The following MAPK10 variants were observed in gnomAD, a reference collection of about 807,000 sequenced individuals.
MAPK10 encodes the protein JNK3 alpha protein kinase.
In MAPK10, 25 loss-of-function variants were observed where a neutral mutation model predicts 59.3. The observed-to-expected ratio is 0.42, with a 90% confidence interval of 0.31 to 0.59. MAPK10 has a LOEUF of 0.59. Among genes scored for constraint, MAPK10 ranks in the 20% least tolerant of loss-of-function variants. MAPK10 has a pLI of 0.15. For synonymous variants in MAPK10, 190 were observed against 200.5 expected (o/e 0.95, Z 0.44); for missense variants, 351 against 568.9 (o/e 0.62, Z 3.90).
At chr4:86,116,431 CCTGA>C (rs780645559) in intron 4 of MAPK10, among the ~76,000 whole-genome samples, 168 of 152,304 alleles carry the variant, frequency 1.1e-3, no homozygotes, top group Middle Eastern at 3.4e-3. Flanking sequence ...ATTTGGTCAG[CCTGA>C]CTGTTACATC....
intron 1 of MAPK10, among the ~76,000 whole-genome samples, chr4:86,413,689 G>A (rs1469691786): frequency 1.3e-5 from 2 of 152,306 alleles, no homozygotes; most frequent in East Asian, 3.9e-4. Flanking sequence ...CGCTAGCAGT[G>A]AGCAAGCCTC....
intron 1 of MAPK10, among the ~76,000 whole-genome samples, chr4:86,519,870 A>G (rs897183546): frequency 1.2e-4 from 19 of 152,176 alleles, no homozygotes; most frequent in Non-Finnish European, 2.4e-4. Context: ...TCCTTCATTT[A>G]TGAAGCTTAG....
chr4:86,097,651 A>G (rs1000464311), intron 9 of MAPK10, among the ~76,000 whole-genome samples: 4 of 152,016 alleles, frequency 2.6e-5, no homozygotes, highest in African/African-American at 9.7e-5. Flanking sequence ...GTAGTAAGGT[A>G]TTTTTGTATT....
chr4:86,548,416 G>C (rs182379120), intron 1 of MAPK10, among the ~76,000 whole-genome samples: 1 of 152,164 alleles, frequency 6.6e-6, no homozygotes, highest in Non-Finnish European at 1.5e-5. Flanking sequence ...AAGTCAGTGA[G>C]ACCAAGAACC....
At chr4:86,225,127 G>T (rs926143968) in intron 2 of MAPK10, among the ~76,000 whole-genome samples, 7 of 152,140 alleles carry the variant, frequency 4.6e-5, no homozygotes, top group African/African-American at 1.7e-4. Flanking sequence ...GTTAACAGCA[G>T]CCTGAAGCTG....
rs1424174836 is a variant in MAPK10 at position 86,017,591 on chromosome 4, T to C, written c.1253-221A>G. Among the ~76,000 whole-genome samples, 1 of 152,188 alleles carries C rather than the reference T, an allele frequency of 6.6e-6. No homozygotes were observed. Among genetic ancestry groups the C allele is most frequent in the African/African-American group, 2.4e-5 (1 of 41,458 alleles). On this transcript the variant is annotated intron_variant, in intron 13 of 13. Coordinates refer to ENST00000641462, the MANE Select transcript of MAPK10 (RefSeq NM_138982.4). The surrounding 1 kb of genome is among the most constrained non-coding windows in gnomAD (Gnocchi z 4.4). ...CATCACAAGTTATCAAATCTCACTC[T>C]ATATTTGAAATCACCTGCAACACTT...
intron 1 of MAPK10, chr4:86,542,623 T>C (rs563410021): frequency 1.2e-3 from 191 of 154,172 alleles, no homozygotes; most frequent in African/African-American, 4.1e-3. Flanking sequence ...AAAAAGAAAC[T>C]CCCTATGATA....
At chr4:86,233,198 A>G (rs1425491383) in intron 2 of MAPK10, among the ~76,000 whole-genome samples, 1 of 152,230 alleles carries the variant, frequency 6.6e-6, no homozygotes, top group Non-Finnish European at 1.5e-5. Flanking sequence ...CTCTTTGCTT[A>G]TAGTCAAATA....
At chr4:86,054,100 T>C (rs887740415) in intron 11 of MAPK10, among the ~76,000 whole-genome samples, 4 of 152,154 alleles carry the variant, frequency 2.6e-5, no homozygotes, top group African/African-American at 9.7e-5. Context: ...ATGTCTCTCC[T>C]AAGAATGAAC....
intron 4 of MAPK10, among the ~76,000 whole-genome samples, chr4:86,145,596 A>G (rs2064785224): frequency 6.6e-6 from 1 of 151,904 alleles, no homozygotes; most frequent in Non-Finnish European, 1.5e-5. Context: ...GAGTCTCTCC[A>G]TTTCTCTCTG....
intron 2 of MAPK10, among the ~76,000 whole-genome samples, chr4:86,320,804 T>C (rs1489629534): frequency 1.3e-5 from 2 of 152,170 alleles, no homozygotes; most frequent in African/African-American, 4.8e-5. Flanking sequence ...AACGTTTAAG[T>C]CTTTAATCCA....
chr4:86,027,542 A>G (rs1343427648), intron 13 of MAPK10: 1 of 152,216 alleles, frequency 6.6e-6, no homozygotes, highest in East Asian at 1.9e-4. Context: ...TAATAGAGTG[A>G]ATAAATATTT....
intron 2 of MAPK10, among the ~76,000 whole-genome samples, chr4:86,327,885 G>A (rs1430047163): frequency 6.6e-6 from 1 of 151,860 alleles, no homozygotes; most frequent in African/African-American, 2.4e-5. Context: ...AGGAGGTGGA[G>A]GTTGCAGTGA....
intron 4 of MAPK10, among the ~76,000 whole-genome samples, chr4:86,152,804 T>C (rs932001805): frequency 1.2e-4 from 19 of 152,206 alleles, no homozygotes; most frequent in African/African-American, 4.6e-4. Context: ...CCAGCTTATC[T>C]ACAGATGGAA....
chr4:86,435,485 A>G lies in MAPK10; in HGVS notation c.-122+17545T>C, dbSNP rs149118570. On this transcript the variant is annotated intron_variant, in intron 1 of 13. Transcript: ENST00000361569. ...GCACTCCAGCCTGGGCAACAAGAGC[A>G]AAACGCCATCTCACAAAAAAAAAGG... is the stretch of plus-strand genomic sequence containing the variant. 6.0e-3 allele frequency among the ~76,000 whole-genome samples: 915 copies of G among 152,272 alleles called. 8 individuals are homozygous for G. Among genetic ancestry groups the G allele is most frequent in the African/African-American group, 0.02 (818 of 41,536 alleles).
chr4:86,363,575 T>C (rs1040980647), upstream of MAPK10, among the ~76,000 whole-genome samples: 6 of 152,212 alleles, frequency 3.9e-5, no homozygotes, highest in African/African-American at 1.4e-4. Context: ...TATTTTGATA[T>C]ATGTATACAA....
intron 1 of MAPK10, among the ~76,000 whole-genome samples, chr4:86,570,490 A>T (rs1025085670): frequency 6.6e-6 from 1 of 152,112 alleles, no homozygotes; most frequent in Middle Eastern, 3.2e-3. Context: ...TGCCAAAAAA[A>T]AATCATGGGA....
intron 1 of MAPK10, among the ~76,000 whole-genome samples, chr4:86,487,187 T>C (rs1362914048): frequency 3.9e-5 from 6 of 152,266 alleles, no homozygotes; most frequent in Admixed American, 3.3e-4. Context: ...AATTAGATTA[T>C]GGAGTATGGA....
At chr4:86,481,059 T>C (rs781412446) in intron 1 of MAPK10, among the ~76,000 whole-genome samples, 2 of 152,180 alleles carry the variant, frequency 1.3e-5, no homozygotes, top group Non-Finnish European at 2.9e-5. Flanking sequence ...AGAATGAGGA[T>C]CTTATGACCT....
Sources: allele counts gnomAD v4.1 joint callset (sites outside exome capture counted in the v4.1 genomes callset), GRCh38; gene constraint gnomAD v4.1.1; non-coding constraint Gnocchi (gnomAD v3.1); transcripts MANE v1.5; gene names NCBI Gene and HGNC (gene_info 2026-07-23, HGNC 2026-07-21).